The following SULF1 variants were observed in gnomAD, a reference collection of about 807,000 sequenced individuals.
SULF1 encodes extracellular sulfatase Sulf-1.
A neutral mutation model predicts 110.5 loss-of-function variants in SULF1; 46 were observed. That is an observed-to-expected ratio of 0.42 (90% CI 0.33 to 0.53). SULF1 has a LOEUF of 0.53. Among genes scored for constraint, SULF1 ranks in the 20% least tolerant of loss-of-function variants. The pLI, the probability that SULF1 is intolerant of heterozygous loss-of-function variation, is 0.12. For synonymous variants in SULF1, 371 were observed against 387.1 expected (o/e 0.96, Z 0.49); for missense variants, 941 against 1,094.2 (o/e 0.86, Z 1.98).
chr8:69,598,349 G>A (rs1807509877), intron 8 of SULF1, among the ~76,000 whole-genome samples: 1 of 152,128 alleles, frequency 6.6e-6, no homozygotes, highest in Non-Finnish European at 1.5e-5. Flanking sequence ...ATATATGGTG[G>A]TTGTTCCTCA....
chr8:69,603,150 C>T (rs1481496060), intron 10 of SULF1, 42 bp from the exon 11 acceptor site: 1 of 1,610,312 alleles, frequency 6.2e-7, no homozygotes, highest in Non-Finnish European at 8.5e-7. Flanking sequence ...GCCACCTTCC[C>T]CTGGCATTGG....
rs560481120 is a variant in SULF1, at chr8:69,550,001, G to A, written c.-133-13538G>A. 2.5e-4 allele frequency among the ~76,000 whole-genome samples: 38 copies of A among 151,772 alleles called. No homozygotes were observed. The South Asian group carries it at 6.9e-3, about 27-fold the overall frequency. ...ATGGTGTGTGGCTGCAATACTGATGGCCTGTTTTGTTCTCCTGGGGAGATA... is the reference window on the plus strand; with the variant it reads ...ATGGTGTGTGGCTGCAATACTGATGACCTGTTTTGTTCTCCTGGGGAGATA... On this transcript the variant is annotated intron_variant, in intron 3 of 22. Coordinates refer to ENST00000402687, the MANE Select transcript of SULF1 (RefSeq NM_001128205.2).
At chr8:69,598,283 A>G (rs912811832) in intron 8 of SULF1, among the ~76,000 whole-genome samples, 3 of 152,122 alleles carry the variant, frequency 2.0e-5, no homozygotes, top group Non-Finnish European at 4.4e-5. Context: ...TTCCTTGTTT[A>G]TTGGCTCATG....
chr8:69,550,430 C>T (rs1035794769), intron 3 of SULF1, among the ~76,000 whole-genome samples: 4 of 151,938 alleles, frequency 2.6e-5, no homozygotes, highest in South Asian at 2.1e-4. Context: ...GTGTCATCCA[C>T]GTCTTGGAAA....
intron 8 of SULF1, chr8:69,597,340 G>A (rs1807420676): frequency 6.6e-6 from 1 of 152,198 alleles, no homozygotes; most frequent in Non-Finnish European, 1.5e-5. Context: ...TGTTCTGTGG[G>A]AAGCAGTGGC....
intron 3 of SULF1, among the ~76,000 whole-genome samples, chr8:69,507,553 TG>T (rs1219913956): frequency 6.6e-6 from 1 of 152,174 alleles, no homozygotes; most frequent in African/African-American, 2.4e-5. Flanking sequence ...AATTAGGTGG[TG>T]GGGTCAAATC....
intron 7 of SULF1, among the ~76,000 whole-genome samples, chr8:69,587,021 G>A (rs1048687201): frequency 3.3e-5 from 5 of 152,074 alleles, no homozygotes; most frequent in African/African-American, 9.7e-5. Context: ...TCCCTATCAC[G>A]GCAAGCATCC....
chr8:69,474,121 A>C (rs1246429575), intron 1 of SULF1, among the ~76,000 whole-genome samples: 1 of 152,182 alleles, frequency 6.6e-6, no homozygotes, highest in African/African-American at 2.4e-5. Context: ...TTTATTGTCC[A>C]GTTTTTTTGG....
chr8:69,587,241 A>G (rs915710265), intron 7 of SULF1, among the ~76,000 whole-genome samples: 17 of 152,314 alleles, frequency 1.1e-4, no homozygotes, highest in South Asian at 2.1e-4. Context: ...CTTATTTGCC[A>G]AAATATCCCC....
intron 21 of SULF1, among the ~76,000 whole-genome samples, chr8:69,640,120 A>AAAGG (rs904403713): frequency 2.2e-4 from 20 of 92,308 alleles, no homozygotes; most frequent in African/African-American, 1.0e-3. Flanking sequence ...AGGAAGGAAG[A>AAAGG]AAGGAAGGAA....
chr8:69,637,694 T>G (rs1448574790), intron 19 of SULF1: 1 of 152,738 alleles, frequency 6.5e-6, no homozygotes, highest in East Asian at 1.9e-4. Flanking sequence ...TGCATGCCTG[T>G]AGTCCCAGCT....
intron 8 of SULF1, among the ~76,000 whole-genome samples, chr8:69,595,166 A>G (rs1267890134): frequency 2.6e-5 from 4 of 152,230 alleles, no homozygotes; most frequent in African/African-American, 9.6e-5. Context: ...TAAAAAACAA[A>G]GACCCAAAGT....
chr8:69,549,003 T>C (rs933650936), intron 3 of SULF1, among the ~76,000 whole-genome samples: 2 of 152,170 alleles, frequency 1.3e-5, no homozygotes, highest in African/African-American at 2.4e-5. Context: ...GCGGAACTTA[T>C]ACCCACCCCA....
At position 69,659,791 on chromosome 8, in the gene SULF1, T is replaced by C. The variant is rs1449316695; in HGVS notation, c.*1256T>C. The C allele has an allele frequency of 1.3e-5, 2 of 153,520 alleles. No individual in the cohort carries two copies. Among genetic ancestry groups the C allele is most frequent in the African/African-American group, 4.8e-5 (2 of 41,454 alleles). The allele number at this position is 153,520 out of a possible 1,614,324, so 9.5% of individuals were successfully genotyped here. ...GCCGTCATTTTCAGTTAGATGATTT[T>C]GCACTTTGAGATTAAAATGCCATGT... On this transcript the variant is annotated 3_prime_UTR_variant, in exon 23 of 23. Coordinates refer to ENST00000402687, the MANE Select transcript of SULF1 (RefSeq NM_001128205.2).
In SULF1 at chr8:69,620,807, G is replaced by A. The variant is rs1263414250; in HGVS notation, c.1378-228G>A. ...GGCTCTAGTGACATTGAGGTAGTTT[G>A]ATTTCCAATGATTTCGTTGTCATCT... On this transcript the variant is annotated intron_variant, in intron 13 of 22. Transcript: ENST00000402687. Among the ~76,000 whole-genome samples, 4 of 152,160 alleles carry A rather than the reference G, an allele frequency of 2.6e-5. No homozygotes were observed. In the East Asian group the frequency reaches 5.8e-4, roughly 22 times the overall value.
chr8:69,524,988 A>G (rs1812561953), intron 3 of SULF1, among the ~76,000 whole-genome samples: 1 of 152,190 alleles, frequency 6.6e-6, no homozygotes, highest in Admixed American at 6.5e-5. Flanking sequence ...AACGTATAAT[A>G]CTGGCTTTAT....
intron 22 of SULF1, among the ~76,000 whole-genome samples, chr8:69,656,138 A>T (rs900276200): frequency 2.0e-5 from 3 of 152,194 alleles, no homozygotes; most frequent in South Asian, 2.1e-4. Flanking sequence ...TCATATTTGA[A>T]TTTCTGATTT....
chr8:69,654,385 G>T (rs1202282846), intron 22 of SULF1, among the ~76,000 whole-genome samples: 2 of 152,146 alleles, frequency 1.3e-5, no homozygotes, highest in Non-Finnish European at 2.9e-5. Context: ...TGCTCAGTCT[G>T]CTCCCATTCA....
intron 19 of SULF1, among the ~76,000 whole-genome samples, chr8:69,634,528 G>A (rs1036197991): frequency 6.6e-6 from 1 of 152,150 alleles, no homozygotes; most frequent in African/African-American, 2.4e-5. Context: ...CAGCACTTTG[G>A]GAAGCCGAGG....
Sources: gnomAD v4.1 joint callset for allele counts (sites outside exome capture counted in the v4.1 genomes callset) on GRCh38, gnomAD v4.1.1 for gene constraint, MANE v1.5 for transcripts, NCBI Gene and HGNC (gene_info 2026-07-23, HGNC 2026-07-21) for gene names.